Variants in WWOX observed in about 807,000 individuals in gnomAD.
The protein encoded by WWOX is WW domain containing oxidoreductase.
WWOX carries 69 observed loss-of-function variants against 46.2 expected under a neutral mutation model. The observed-to-expected ratio is 1.49, with a 90% CI of 1.23 to 1.82. The LOEUF (loss-of-function observed/expected upper bound fraction) is 1.82, where lower values mean the gene tolerates loss of function less well. Ranked by LOEUF, WWOX falls within the 40% of genes most tolerant of loss-of-function variation. The pLI is 0.00. For synonymous variants in WWOX, 359 were observed against 202.6 expected, an observed-to-expected ratio of 1.77 and a Z score of -6.56; for missense variants, 919 against 542.6, an observed-to-expected ratio of 1.69 and a Z score of -6.89.
intron 8 of WWOX, among the ~76,000 whole-genome samples, chr16:78,700,576 A>G (rs1233545380): frequency 6.6e-6 from 1 of 152,168 alleles, no homozygotes; most frequent in Non-Finnish European, 1.5e-5. Context: ...ACAGGCAGGA[A>G]ACCCACCAGG....
chr16:78,271,749 C>T (rs767966825), intron 5 of WWOX, among the ~76,000 whole-genome samples: 5 of 152,152 alleles, frequency 3.3e-5, no homozygotes, highest in East Asian at 3.9e-4. Context: ...CCAGCGAGGG[C>T]GTTGGGAGGC....
intron 8 of WWOX, among the ~76,000 whole-genome samples, chr16:78,516,786 G>A (rs1277097447): frequency 1.3e-5 from 2 of 152,150 alleles, no homozygotes; most frequent in Non-Finnish European, 2.9e-5. Flanking sequence ...AAAATCCGTG[G>A]CAAGGTACCT....
At chr16:79,076,629 A>G (rs1395011097) in intron 8 of WWOX, among the ~76,000 whole-genome samples, 1 of 152,120 alleles carries the variant, frequency 6.6e-6, no homozygotes, top group African/African-American at 2.4e-5. Flanking sequence ...ATCTGTACCT[A>G]CCACAGCTAG....
At chr16:78,387,924 A>G (rs968250711) in intron 6 of WWOX, among the ~76,000 whole-genome samples, 34 of 152,160 alleles carry the variant, frequency 2.2e-4, no homozygotes, top group African/African-American at 7.7e-4. Context: ...CCTTTGGGTT[A>G]GGCTCTGTTG....
At chr16:78,303,135 G>A (rs997812641) in intron 5 of WWOX, among the ~76,000 whole-genome samples, 3 of 152,116 alleles carry the variant, frequency 2.0e-5, no homozygotes, top group African/African-American at 7.2e-5. Flanking sequence ...AAGGTATAGA[G>A]TATTTGTCTT....
chr16:79,072,522 C>T (rs760501869), intron 8 of WWOX, among the ~76,000 whole-genome samples: 36 of 152,224 alleles, frequency 2.4e-4, no homozygotes, highest in Non-Finnish European at 4.1e-4. Flanking sequence ...CACCATTCAT[C>T]TAGATCTCAT....
In WWOX at chr16:78,806,687, T is replaced by C. The variant is rs2051046517; in HGVS notation, c.1056+373935T>C. Among the ~76,000 whole-genome samples, 7 of 152,284 alleles carry C rather than the reference T, an allele frequency of 4.6e-5. No homozygotes were observed. The South Asian group carries it at 1.4e-3, about 32-fold the overall frequency. On this transcript the variant is annotated intron_variant, in intron 8 of 8. Transcript: ENST00000566780. ...CAAGCAGATGCTGCATTGCCTTTTA[T>C]GGCCTTCCATAGAAGTTACATAGCC...
intron 8 of WWOX, among the ~76,000 whole-genome samples, chr16:78,822,204 C>G (rs1213560260): frequency 6.6e-6 from 1 of 151,618 alleles, no homozygotes; most frequent in Non-Finnish European, 1.5e-5. Context: ...GTCAAAAAAT[C>G]TACGTGAGGC....
chr16:78,771,471 C>G (rs1416608665), intron 8 of WWOX, among the ~76,000 whole-genome samples: 8 of 152,134 alleles, frequency 5.3e-5, no homozygotes, highest in Non-Finnish European at 7.3e-5. Flanking sequence ...GAATTGTATC[C>G]TTAAAAATGC....
intron 8 of WWOX, among the ~76,000 whole-genome samples, chr16:78,589,636 A>G (rs1335848225): frequency 1.3e-5 from 2 of 152,208 alleles, no homozygotes; most frequent in Non-Finnish European, 2.9e-5. Flanking sequence ...GTTTCCGGTA[A>G]AGGCATAAAG....
intron 8 of WWOX, among the ~76,000 whole-genome samples, chr16:79,153,931 GGA>G (rs2050330807): frequency 6.6e-6 from 1 of 151,130 alleles, no homozygotes; most frequent in Non-Finnish European, 1.5e-5. Context: ...AGGCCAGGCT[GGA>G]CTGTCCACAA....
intron 8 of WWOX, among the ~76,000 whole-genome samples, chr16:79,207,831 A>G (rs2051570792): frequency 2.0e-5 from 3 of 151,988 alleles, no homozygotes; most frequent in Admixed American, 2.0e-4. Context: ...AAACCTCTGT[A>G]CCCTTTCCTT....
intron 8 of WWOX, among the ~76,000 whole-genome samples, chr16:78,794,002 C>T (rs1417422257): frequency 6.6e-6 from 1 of 152,076 alleles, no homozygotes; most frequent in Non-Finnish European, 1.5e-5. Context: ...CTTAGTAACA[C>T]AGGCTTTGGG....
At chr16:78,440,817 A>C (rs1042727920) in intron 8 of WWOX, among the ~76,000 whole-genome samples, 1 of 151,998 alleles carries the variant, frequency 6.6e-6, no homozygotes, top group Non-Finnish European at 1.5e-5. Flanking sequence ...CGGGGTTTCA[A>C]CATGTTGGCC....
At chr16:78,412,981 C>G (rs1279466644) in intron 6 of WWOX, among the ~76,000 whole-genome samples, 2 of 152,034 alleles carry the variant, frequency 1.3e-5, no homozygotes, top group Non-Finnish European at 2.9e-5. Flanking sequence ...CTGATTTTTC[C>G]TTACCTGATG....
chr16:78,238,277 C>T (rs11150050), intron 5 of WWOX: 1 of 152,130 alleles, frequency 6.6e-6, no homozygotes, highest in Admixed American at 6.5e-5. Flanking sequence ...CCTGTTTCTC[C>T]TTTCTAGTGT....
intron 8 of WWOX, among the ~76,000 whole-genome samples, chr16:78,453,664 T>G (rs981378162): frequency 6.6e-6 from 1 of 152,190 alleles, no homozygotes; most frequent in South Asian, 2.1e-4. Context: ...TTACTCTGTT[T>G]ATGAATAAAA....
intron 6 of WWOX, among the ~76,000 whole-genome samples, chr16:78,400,715 G>GTGTA (rs1476883723): frequency 6.6e-6 from 1 of 152,300 alleles, no homozygotes; most frequent in East Asian, 1.9e-4. Context: ...TCATTCTGGA[G>GTGTA]TGTACACTGG....
chr16:79,043,693 A>G (rs1010678937), intron 8 of WWOX, among the ~76,000 whole-genome samples: 3 of 152,216 alleles, frequency 2.0e-5, no homozygotes, highest in Non-Finnish European at 2.9e-5. Context: ...GCTGACCAGT[A>G]TAGACTGGGC....
Sources: allele counts gnomAD v4.1 joint callset (sites outside exome capture counted in the v4.1 genomes callset), GRCh38; gene constraint gnomAD v4.1.1; transcripts MANE v1.5; gene names NCBI Gene and HGNC (gene_info 2026-07-23, HGNC 2026-07-21).